Variants in MGST1 observed in about 807,000 individuals in gnomAD.
MGST1 encodes the protein microsomal glutathione S-transferase 1.
MGST1 carries 5 observed loss-of-function variants against 8.9 expected under a neutral mutation model. That is an observed-to-expected ratio of 0.56 (90% CI 0.29 to 1.19). The LOEUF (loss-of-function observed/expected upper bound fraction) is 1.19, where lower values mean the gene tolerates loss of function less well. Among genes scored for constraint, MGST1 ranks in the 50% most tolerant of loss-of-function variants. The pLI, the probability that MGST1 is intolerant of heterozygous loss-of-function variation, is 0.08. For synonymous variants in MGST1, 54 were observed against 67.8 expected (o/e 0.80, Z 1.00); for missense variants, 182 against 187.4 (o/e 0.97, Z 0.17).
chr12:16,405,887 C>T (rs1027571624), intron 1 of MGST1, among the ~76,000 whole-genome samples: 1 of 152,012 alleles, frequency 6.6e-6, no homozygotes, highest in African/African-American at 2.4e-5. Flanking sequence ...AACTCTTAAA[C>T]TGGATATTGA....
chr12:16,541,899 C>T (rs1941795577), intron 4 of MGST1, among the ~76,000 whole-genome samples: 1 of 151,998 alleles, frequency 6.6e-6, no homozygotes, highest in Admixed American at 6.6e-5. Flanking sequence ...TAACAGAAAC[C>T]CAACCAGAGT....
At chr12:16,419,522 T>C (rs1940816092) in intron 1 of MGST1, among the ~76,000 whole-genome samples, 1 of 152,166 alleles carries the variant, frequency 6.6e-6, no homozygotes, top group Non-Finnish European at 1.5e-5. Context: ...ATAAATTACC[T>C]TGTAATTACC....
At chr12:16,399,488 A>G in intron 1 of MGST1, 1 of 1,558,748 alleles carries the variant, frequency 6.4e-7, no homozygotes, top group East Asian at 2.2e-5. Context: ...CTTCTTCACT[A>G]CCCAACGACT....
chr12:16,394,453 TCA>T (rs949281257), intron 1 of MGST1, among the ~76,000 whole-genome samples: 2 of 151,574 alleles, frequency 1.3e-5, no homozygotes, highest in Admixed American at 6.6e-5. Flanking sequence ...TCTTTCTTTC[TCA>T]CTCTTCCTCC....
chr12:16,418,252 A>T (rs1306311686), intron 1 of MGST1, among the ~76,000 whole-genome samples: 1 of 152,196 alleles, frequency 6.6e-6, no homozygotes, highest in Admixed American at 6.5e-5. Context: ...ACTATGCCCA[A>T]GGATGCACAT....
In MGST1 at chr12:16,401,368, AC is replaced by A; in HGVS notation, n.778+17768del. ...GAAGCTTTCATGGAATTCAATTCCC[AC>A]CCCAAATCCTAGGTTTCTGGTAATT... On this transcript the variant is annotated intron_variant and non_coding_transcript_variant, in intron 1 of 1. Transcript: ENST00000359720. The surrounding 1 kb of genome is among the most constrained non-coding windows in gnomAD (Gnocchi z 4.3). 2 of 1,187,430 alleles carry A rather than the reference AC, an allele frequency of 1.7e-6. No homozygotes were observed. Among genetic ancestry groups the A allele is most frequent in the African/African-American group, 1.5e-5 (1 of 66,524 alleles). 73.6% of individuals were successfully genotyped at this position (1,187,430 alleles called of 1,614,324 possible).
chr12:16,429,309 TA>T (rs1361863126), intron 1 of MGST1, among the ~76,000 whole-genome samples: 8 of 152,180 alleles, frequency 5.3e-5, no homozygotes, highest in Non-Finnish European at 8.8e-5. Flanking sequence ...CAGTTTGAAC[TA>T]CTTATTATTT....
chr12:16,533,121 G>A (rs1477687944), intron 4 of MGST1, among the ~76,000 whole-genome samples: 1 of 152,176 alleles, frequency 6.6e-6, no homozygotes, highest in Admixed American at 6.5e-5. Context: ...TAAAGAGTCA[G>A]TCTGATTTTC....
chr12:16,505,470 A>G (rs550947252), intron 4 of MGST1, among the ~76,000 whole-genome samples: 1 of 152,166 alleles, frequency 6.6e-6, no homozygotes, highest in East Asian at 1.9e-4. Context: ...GTTCCTCCTG[A>G]TTTTACTTTC....
In MGST1 at chr12:16,357,521, C is replaced by A. The variant is rs9332917; in HGVS notation, c.127-84C>A. ...TGGGCTCAAGCAATCCTGCCTCAGC[C>A]TCACAAAGCGCTGGAATTACAGGTG... On this transcript the variant is annotated intron_variant, in intron 2 of 3. Transcript: ENST00000396210. The A allele has an allele frequency of 6.8e-6, 7 of 1,023,958 alleles. No homozygotes were observed. In the East Asian group the frequency reaches 1.3e-4, roughly 19 times the overall value. 63.4% of individuals were successfully genotyped at this position (1,023,958 alleles called of 1,614,324 possible).
At chr12:16,490,792 C>T (rs1941433533) in intron 4 of MGST1, among the ~76,000 whole-genome samples, 1 of 152,136 alleles carries the variant, frequency 6.6e-6, no homozygotes, top group South Asian at 2.1e-4. Context: ...TAATTAACTC[C>T]TCCATCAAAA....
chr12:16,465,234 G>A (rs1941245770), intron 4 of MGST1, among the ~76,000 whole-genome samples: 2 of 152,226 alleles, frequency 1.3e-5, no homozygotes, highest in Admixed American at 1.3e-4. Flanking sequence ...ACTCAAAACA[G>A]TTATGAAAAG....
chr12:16,417,549 G>A (rs1279844944), intron 1 of MGST1, among the ~76,000 whole-genome samples: 1 of 152,162 alleles, frequency 6.6e-6, no homozygotes, highest in Non-Finnish European at 1.5e-5. Context: ...TTTGACCAGT[G>A]CCCTGCCAAT....
At chr12:16,522,801 G>A (rs762305946) in intron 4 of MGST1, among the ~76,000 whole-genome samples, 3 of 152,006 alleles carry the variant, frequency 2.0e-5, no homozygotes, top group Non-Finnish European at 2.9e-5. Flanking sequence ...TGTGCTGATG[G>A]CTAGAAGAAA....
At chr12:16,501,327 G>C (rs10772941) in intron 4 of MGST1, among the ~76,000 whole-genome samples, 30,964 of 152,042 alleles carry the variant, frequency 0.2, 3,419 homozygotes, top group East Asian at 0.36. Context: ...CTTCAAAAAG[G>C]TATAAGCTAG....
intron 1 of MGST1, among the ~76,000 whole-genome samples, chr12:16,423,394 A>G (rs1051097762): frequency 6.6e-6 from 1 of 152,200 alleles, no homozygotes; most frequent in Non-Finnish European, 1.5e-5. Flanking sequence ...GAAACAAAAA[A>G]CAATTCTCTG....
chr12:16,391,116 A>C (rs1490174535), intron 1 of MGST1, among the ~76,000 whole-genome samples: 1 of 148,682 alleles, frequency 6.7e-6, no homozygotes, highest in African/African-American at 2.5e-5. Context: ...CTTTTGGAAA[A>C]TGTCTATGTC....
intron 4 of MGST1, chr12:16,573,460 C>T (rs1189961401): frequency 6.6e-6 from 1 of 152,056 alleles, no homozygotes. Flanking sequence ...CTTGTGTGTC[C>T]ACATGTATAA....
intron 4 of MGST1, among the ~76,000 whole-genome samples, chr12:16,520,629 T>A (rs992924873): frequency 6.6e-6 from 1 of 152,130 alleles, no homozygotes; most frequent in Non-Finnish European, 1.5e-5. Context: ...CGCTGAGAAG[T>A]GTCCATGTCT....
Sources: gnomAD v4.1 joint callset for allele counts (sites outside exome capture counted in the v4.1 genomes callset) on GRCh38, gnomAD v4.1.1 for gene constraint, Gnocchi (gnomAD v3.1) non-coding constraint, MANE v1.5 for transcripts, NCBI Gene and HGNC (gene_info 2026-07-23, HGNC 2026-07-21) for gene names.